SPTLC1: variants seen among roughly 807,000 people sequenced by gnomAD.
SPTLC1 encodes serine palmitoyltransferase long chain base subunit 1, also known as serine palmitoyltransferase 1.
SPTLC1 carries 55 observed loss-of-function variants against 68.9 expected under a neutral mutation model. The ratio of observed to expected loss-of-function variants is 0.80; its 90% CI spans 0.64 to 1.00. SPTLC1 has a LOEUF of 1.00. Ranked by LOEUF, SPTLC1 falls within the 50% of genes least tolerant of loss-of-function variation. The pLI, the probability that SPTLC1 is intolerant of heterozygous loss-of-function variation, is 0.00. For missense variants in SPTLC1, 449 were observed against 573.1 expected (o/e 0.78, Z 2.21); for synonymous variants, 197 against 201.6 (o/e 0.98, Z 0.19).
chr9:92,115,213 G>A (rs1376894308), intron 1 of SPTLC1, 101 bp downstream of exon 1: 17 of 1,170,184 alleles, frequency 1.5e-5, no homozygotes, highest in Non-Finnish European at 2.0e-5. Flanking sequence ...GGGCGTGACC[G>A]AGCCAGTCCC....
intron 3 of SPTLC1, among the ~76,000 whole-genome samples, chr9:92,106,104 AGC>A (rs1275443614): frequency 6.6e-6 from 1 of 151,980 alleles, no homozygotes; most frequent in African/African-American, 2.4e-5. Flanking sequence ...GGAAGTGAGG[AGC>A]GCCTCTGCCC....
intron 1 of SPTLC1, chr9:92,114,999 C>A (rs1351598864): frequency 6.4e-6 from 3 of 468,548 alleles, no homozygotes; most frequent in Non-Finnish European, 1.2e-5. Flanking sequence ...TCCGTTTTAT[C>A]GTCCGTCTAA....
intron 12 of SPTLC1, among the ~76,000 whole-genome samples, chr9:92,040,746 A>G (rs1375934154): frequency 6.6e-6 from 1 of 151,598 alleles, no homozygotes; most frequent in Non-Finnish European, 1.5e-5. Flanking sequence ...TGACAGAGCA[A>G]GACTCTGTCT....
At chr9:92,077,023 C>T in intron 5 of SPTLC1, 1 of 152,216 alleles carries the variant, frequency 6.6e-6, no homozygotes, top group South Asian at 2.1e-4. Flanking sequence ...TGCCCCATAT[C>T]ACCCTCAGTT....
At chr9:92,035,023 T>C (rs1250300275) in intron 13 of SPTLC1, 140 bp from the exon 14 acceptor site, 14 of 770,502 alleles carry the variant, frequency 1.8e-5, no homozygotes, top group Middle Eastern at 2.2e-4. Flanking sequence ...ACCAAAATAC[T>C]ACACCACCAC....
intron 5 of SPTLC1, among the ~76,000 whole-genome samples, chr9:92,073,399 A>G (rs1397169970): frequency 2.0e-5 from 3 of 152,234 alleles, no homozygotes; most frequent in South Asian, 2.1e-4. Flanking sequence ...GAAGGCCCCA[A>G]AGGACCTACC....
Position 92,032,314 on chromosome 9 carries a change from C to G in SPTLC1, c.*151G>C, listed in dbSNP as rs1204946998. On this transcript the variant is annotated 3_prime_UTR_variant, in exon 15 of 15. Transcript: ENST00000262554. Reference sequence around the variant, plus strand: ...AAAAAATAAGCATCCTTCTCATGGTCACACAATTGGTCCATACTGACACCA... The same window carrying G: ...AAAAAATAAGCATCCTTCTCATGGTGACACAATTGGTCCATACTGACACCA... The G allele has an allele frequency of 6.5e-7, 1 of 1,544,626 alleles. No individual in the cohort carries two copies. The highest frequency in any genetic ancestry group is 1.4e-5 in the African/African-American group (1 of 73,140).
chr9:92,080,569 C>T (rs893136232), intron 4 of SPTLC1, among the ~76,000 whole-genome samples: 1 of 152,184 alleles, frequency 6.6e-6, no homozygotes, highest in African/African-American at 2.4e-5. Context: ...GATAGAGTCT[C>T]GCCCTGTTGC....
intron 3 of SPTLC1, among the ~76,000 whole-genome samples, chr9:92,089,837 T>C (rs1835290608): frequency 6.6e-6 from 1 of 152,188 alleles, no homozygotes; most frequent in Non-Finnish European, 1.5e-5. Flanking sequence ...AGAAAAATAA[T>C]TGTGAAAGCC....
chr9:92,102,287 C>T (rs552047113), intron 3 of SPTLC1, among the ~76,000 whole-genome samples: 23 of 152,240 alleles, frequency 1.5e-4, no homozygotes, highest in Non-Finnish European at 3.4e-4. Context: ...TTAACAAGTG[C>T]TTCAATCGCA....
intron 9 of SPTLC1, among the ~76,000 whole-genome samples, chr9:92,048,075 C>A (rs1025816698): frequency 6.6e-6 from 1 of 152,168 alleles, no homozygotes; most frequent in Admixed American, 6.5e-5. Flanking sequence ...GCTGGCCTTC[C>A]TCATGGGATG....
chr9:92,098,719 CT>C (rs1835635035), intron 3 of SPTLC1, among the ~76,000 whole-genome samples: 1 of 151,878 alleles, frequency 6.6e-6, no homozygotes, highest in Non-Finnish European at 1.5e-5. Flanking sequence ...AAAAATTCAC[CT>C]TCCATGACCC....
At chr9:92,069,457 G>A (rs1188334382) in intron 5 of SPTLC1, among the ~76,000 whole-genome samples, 1 of 152,138 alleles carries the variant, frequency 6.6e-6, no homozygotes, top group Non-Finnish European at 1.5e-5. Flanking sequence ...AACACACAGA[G>A]TTTAGAAGAA....
At chr9:92,075,834 C>A (rs1319649448) in intron 5 of SPTLC1, among the ~76,000 whole-genome samples, 2 of 152,192 alleles carry the variant, frequency 1.3e-5, no homozygotes, top group East Asian at 3.8e-4. Context: ...TTCAACCCGG[C>A]CTCTCACTTA....
At chr9:92,050,810 G>GTTTTTTTTTTTTTTTTT (rs1564088122) in intron 8 of SPTLC1, 1 of 72,266 alleles carries the variant, frequency 1.4e-5, no homozygotes, top group Non-Finnish European at 2.2e-5. Context: ...GCACAATACT[G>GTTTTTTTTTTTTTTTTT]ATTTTTTTTT....
At chr9:92,077,635 C>T (rs759156251) in intron 5 of SPTLC1, among the ~76,000 whole-genome samples, 6 of 152,212 alleles carry the variant, frequency 3.9e-5, no homozygotes, top group Non-Finnish European at 5.9e-5. Flanking sequence ...GGCCTTTACA[C>T]AGTCACCCCA....
At chr9:92,033,267 G>A (rs1271816816) in intron 14 of SPTLC1, among the ~76,000 whole-genome samples, 2 of 152,192 alleles carry the variant, frequency 1.3e-5, no homozygotes, top group African/African-American at 2.4e-5. Context: ...TCAAATCAAC[G>A]ACAGTTTGAT....
intron 13 of SPTLC1, among the ~76,000 whole-genome samples, chr9:92,037,646 G>A (rs1031113970): frequency 6.6e-6 from 1 of 152,198 alleles, no homozygotes; most frequent in African/African-American, 2.4e-5. Flanking sequence ...TGGATGAAAA[G>A]GGGCAAGCAG....
chr9:92,049,929 G>A (rs566217150), intron 9 of SPTLC1, 31 bp downstream of exon 9: 6 of 1,351,626 alleles, frequency 4.4e-6, no homozygotes, highest in Middle Eastern at 1.8e-4. Context: ...TCCTATAAGA[G>A]GGGAAACGTT....
Sources: gnomAD v4.1 joint callset for allele counts (sites outside exome capture counted in the v4.1 genomes callset) on GRCh38, gnomAD v4.1.1 for gene constraint, MANE v1.5 for transcripts, NCBI Gene and HGNC (gene_info 2026-07-23, HGNC 2026-07-21) for gene names.